CBX2: variants seen among roughly 807,000 people sequenced by gnomAD.
CBX2 encodes the protein chromobox 2.
Under a neutral mutation model 21.0 loss-of-function variants are expected in CBX2, and 11 were observed. The observed-to-expected ratio is 0.52, with a 90% confidence interval of 0.33 to 0.87. The LOEUF is 0.87. Among genes scored for constraint, CBX2 ranks in the 40% least tolerant of loss-of-function variants. CBX2 has a pLI of 0.02. For synonymous variants in CBX2, 364 were observed against 304.6 expected, an observed-to-expected ratio of 1.19 and a Z score of -2.03; for missense variants, 746 against 724.3, an observed-to-expected ratio of 1.03 and a Z score of -0.34.
At chr17:79,781,892 AG>A in intron 4 of CBX2, 91 bp downstream of exon 4, 1 of 1,614,146 alleles carries the variant, frequency 6.2e-7, no homozygotes, top group Non-Finnish European at 8.5e-7. Context: ...GCCCTCAGGA[AG>A]GGGGTGGCAC....
intron 4 of CBX2, 184 bp downstream of exon 4, chr17:79,781,985 C>G: frequency 1.9e-6 from 3 of 1,614,182 alleles, no homozygotes; most frequent in Non-Finnish European, 2.5e-6. Flanking sequence ...CCAGGGGCCC[C>G]AGCCGGCTGA....
At position 79,783,925 on chromosome 17, in the gene CBX2, G is replaced by A. The variant is rs782145802; in HGVS notation, c.482G>A (p.Arg161Gln). 31 of 1,613,894 alleles carry A rather than the reference G, an allele frequency of 1.9e-5. No homozygotes were observed. The highest frequency in any genetic ancestry group is 5.0e-5 in the Admixed American group (3 of 60,002). The change falls in exon 5 of 5, where the codon CGG becomes CAG. Residue 161 changes from arginine to glutamine, a missense_variant. Physicochemically the swap from Arg to Gln is conservative, Grantham distance 43 (BLOSUM62 1). Transcript: ENST00000310942. ...VAKPELKDPI[R>Q]KKRGRKPLPP... ...AAACCCGAGCTGAAGGATCCCATCC[G>A]GAAGAAGCGGGGACGAAAGCCCCTG...
chr17:79,778,323 C>G lies in CBX2; in HGVS notation c.72+16C>G. 6.4e-7 allele frequency: 1 copy of G among 1,563,870 alleles called. No individual in the cohort carries two copies. The highest frequency in any genetic ancestry group is 8.6e-7 in the Non-Finnish European group (1 of 1,160,354). On this transcript the variant is annotated intron_variant, in intron 1 of 4. Coordinates refer to ENST00000310942, the MANE Select transcript of CBX2 (RefSeq NM_005189.3). This position sits in a 1 kb window ranked among gnomAD's most constrained non-coding sequence, Gnocchi z 4.8. ...GCTCCGCAAGGTGCGTGCGGCCCGC[C>G]GGGCCCCCCGCCCGCCGCCCGCTGT...
chr17:79,782,603 G>A (rs1430096052), intron 4 of CBX2: 6 of 622,692 alleles, frequency 9.6e-6, no homozygotes, highest in Non-Finnish European at 1.3e-5. Context: ...TTTCCTGAAT[G>A]AACAGGATTC....
At position 79,778,374 on chromosome 17, in the gene CBX2, C is replaced by T; in HGVS notation, c.73-10C>T. The T allele has an allele frequency of 6.3e-7, 1 of 1,585,292 alleles. No individual in the cohort carries two copies. The highest frequency in any genetic ancestry group is 8.5e-7 in the Non-Finnish European group (1 of 1,170,586). On this transcript the variant is annotated splice_polypyrimidine_tract_variant and intron_variant, in intron 1 of 4. Transcript: ENST00000310942. This position sits in a 1 kb window ranked among gnomAD's most constrained non-coding sequence, Gnocchi z 4.8. ...CCGTCTGGCTCACGGCCCCTCTTCT[C>T]TCCCCGCAGGGCAAGCTGGAGTACC...
Position 79,784,530 on chromosome 17 carries a change from A to G in CBX2, c.1087A>G (p.Asn363Asp). The G allele has an allele frequency of 6.2e-7, 1 of 1,612,488 alleles. No homozygotes were observed. The highest frequency in any genetic ancestry group is 8.5e-7 in the Non-Finnish European group (1 of 1,179,862). ...LQVLDLQSVKNGMPGVGLLAR... is the reference protein window; with the variant it reads ...LQVLDLQSVKDGMPGVGLLAR... Reference sequence around the variant, plus strand: ...GGTCTTGGACTTGCAGAGTGTCAAGAATGGCATGCCCGGGGTGGGTCTCCT... The same window carrying G: ...GGTCTTGGACTTGCAGAGTGTCAAGGATGGCATGCCCGGGGTGGGTCTCCT... The change falls in exon 5 of 5, where the codon AAT becomes GAT. Residue 363 changes from asparagine (N) to aspartate (D), a missense_variant. Asn to Asp is a conservative substitution (Grantham distance 23). Transcript: ENST00000310942. This position sits in a 1 kb window ranked among gnomAD's most constrained non-coding sequence, Gnocchi z 5.9.
intron 4 of CBX2, 64 bp downstream of exon 4, chr17:79,781,865 C>T (rs138701210): frequency 1.2e-5 from 19 of 1,613,998 alleles, no homozygotes; most frequent in Non-Finnish European, 1.5e-5. Context: ...AGGGGGCAGG[C>T]AGAGGGAGGG....
chr17:79,780,493 G>A (rs570982612), intron 3 of CBX2, among the ~76,000 whole-genome samples: 11 of 152,328 alleles, frequency 7.2e-5, no homozygotes, highest in Admixed American at 2.6e-4. Flanking sequence ...CTTGGGGTGG[G>A]GGAATGGCTT....
chr17:79,778,198 G>GGCGGCGGGTGACTA lies in CBX2; in HGVS notation c.-30_-29insTGACTAGCGGCGGG. ...CGCGCGGCGGTCCGGGCGGGTGACT[G>GGCGGCGGGTGACTA]GCGGCGGGCGCCGCGGTCGGGCTGG... On this transcript the variant is annotated 5_prime_UTR_variant, in exon 1 of 5. Coordinates refer to ENST00000310942, the MANE Select transcript of CBX2 (RefSeq NM_005189.3). This position sits in a 1 kb window ranked among gnomAD's most constrained non-coding sequence, Gnocchi z 4.8. 7.9e-7 allele frequency: 1 copy of GGCGGCGGGTGACTA among 1,260,146 alleles called. No individual in the cohort carries two copies. Among genetic ancestry groups the GGCGGCGGGTGACTA allele is most frequent in the South Asian group, 2.4e-5 (1 of 42,200 alleles). The allele number at this position is 1,260,146 out of a possible 1,614,324, so 78.1% of individuals were successfully genotyped here.
chr17:79,785,284 T>G lies in CBX2; in HGVS notation c.*242T>G. 1 of 579,654 alleles carries G rather than the reference T, an allele frequency of 1.7e-6. No homozygotes were observed. Among genetic ancestry groups the G allele is most frequent in the African/African-American group, 1.9e-5 (1 of 53,542 alleles). 35.9% of individuals were successfully genotyped at this position (579,654 alleles called of 1,614,324 possible). Reference sequence around the variant, plus strand: ...CTTGTTCCTACCTCTGCAGGCCTCTTTGCTCTCCCCTCTTGCCTCAGGAAA... The same window carrying G: ...CTTGTTCCTACCTCTGCAGGCCTCTGTGCTCTCCCCTCTTGCCTCAGGAAA... On this transcript the variant is annotated 3_prime_UTR_variant, in exon 5 of 5. Transcript: ENST00000310942.
chr17:79,779,252 C>T (rs1555829711), intron 2 of CBX2, 110 bp from the exon 3 acceptor site: 1 of 1,016,694 alleles, frequency 9.8e-7, no homozygotes, highest in East Asian at 2.5e-5. Context: ...TACGGTGCCA[C>T]TGCCATCGGC....
Position 79,784,397 on chromosome 17 carries a change from G to T in CBX2, c.954G>T (p.Glu318Asp). The T allele has an allele frequency of 1.9e-6, 3 of 1,612,506 alleles. No homozygotes were observed. Among genetic ancestry groups the T allele is most frequent in the Admixed American group, 3.3e-5 (2 of 59,948 alleles). Residue 318 changes from glutamate (E) to aspartate (D), a missense_variant, in exon 5 of 5, where the codon GAG becomes GAT. By Grantham distance (45) the Glu-to-Asp change is conservative. This residue lies in a region of CBX2 where 701 missense variants were observed against 650.7 expected (regional missense o/e 1.08). Coordinates refer to ENST00000310942, the MANE Select transcript of CBX2 (RefSeq NM_005189.3). The surrounding 1 kb of genome is among the most constrained non-coding windows in gnomAD (Gnocchi z 5.9). ...AGGCCCCCAGCGGTGGGGCTGTGGA[G>T]CAGAAAGTGGGGAACACAGGGGGCC... is the stretch of plus-strand genomic sequence containing the variant. The part of the protein sequence containing the change: ...IPKAPSGGAV[E>D]QKVGNTGGPP...
Position 79,787,708 on chromosome 17 carries a change from G to A in CBX2, c.*2666G>A, listed in dbSNP as rs1002915283. 7.2e-5 allele frequency: 11 copies of A among 152,194 alleles called. No individual in the cohort carries two copies. The highest frequency in any genetic ancestry group is 2.4e-4 in the African/African-American group (10 of 41,434). 9.4% of individuals were successfully genotyped at this position (152,194 alleles called of 1,614,324 possible). A position where few individuals can be genotyped will look rare whatever the true frequency, so the allele number is the denominator to read the frequency against. ...GTGTGTGAAATGGTGTGTTAACCGCGTTTTGTTTGCTCCTGTATTGAATAG... is the reference window on the plus strand; with the variant it reads ...GTGTGTGAAATGGTGTGTTAACCGCATTTTGTTTGCTCCTGTATTGAATAG... On this transcript the variant is annotated 3_prime_UTR_variant, in exon 5 of 5. Transcript: ENST00000310942.
At chr17:79,781,067 G>A (rs1233164873) in intron 3 of CBX2, among the ~76,000 whole-genome samples, 2 of 152,044 alleles carry the variant, frequency 1.3e-5, no homozygotes, top group African/African-American at 2.4e-5. Context: ...GGGGCGGGGG[G>A]GGTACTGCGA....
Position 79,784,277 on chromosome 17 carries a change from C to T in CBX2, c.834C>T (p.Ala278=). Residue 278 remains alanine (A), a synonymous_variant, in exon 5 of 5, where the codon GCC becomes GCT. Transcript: ENST00000310942. The surrounding 1 kb of genome is among the most constrained non-coding windows in gnomAD (Gnocchi z 5.9). The part of the protein sequence containing the change: ...AQAASRLALK[A]QATNKCGLGL... ...CTGCCAGCAGGTTGGCGCTGAAGGCCCAGGCCACCAACAAGTGCGGCCTCG... is the reference window on the plus strand; with the variant it reads ...CTGCCAGCAGGTTGGCGCTGAAGGCTCAGGCCACCAACAAGTGCGGCCTCG... The T allele has an allele frequency of 6.2e-7, 1 of 1,612,970 alleles. No homozygotes were observed. Among genetic ancestry groups the T allele is most frequent in the Non-Finnish European group, 8.5e-7 (1 of 1,179,848 alleles).
At chr17:79,779,510 G>T in intron 3 of CBX2, 83 bp downstream of exon 3, 1 of 1,291,082 alleles carries the variant, frequency 7.7e-7, no homozygotes, top group Non-Finnish European at 1.1e-6. Flanking sequence ...CTCGCCTGCC[G>T]GGAGGCTGGA....
rs1457573802 is a variant in CBX2, at chr17:79,786,994, C to G, written c.*1952C>G. On this transcript the variant is annotated 3_prime_UTR_variant, in exon 5 of 5. Transcript: ENST00000310942. Reference sequence around the variant, plus strand: ...GCTGCAGCAGGAATGGTGCCCACCTCGGCGAATTGAAGGGCTAAGAGTCCC... The same window carrying G: ...GCTGCAGCAGGAATGGTGCCCACCTGGGCGAATTGAAGGGCTAAGAGTCCC... 1 of 152,666 alleles carries G rather than the reference C, an allele frequency of 6.6e-6. No individual in the cohort carries two copies. Among genetic ancestry groups the G allele is most frequent in the East Asian group, 1.9e-4 (1 of 5,200 alleles). 9.5% of individuals were successfully genotyped at this position (152,666 alleles called of 1,614,324 possible). A position where few individuals can be genotyped will look rare whatever the true frequency, so the allele number is the denominator to read the frequency against.
Position 79,781,244 on chromosome 17 carries a change from T to A in CBX2, c.183-452T>A, listed in dbSNP as rs148150788. On this transcript the variant is annotated intron_variant, in intron 3 of 4. Coordinates refer to ENST00000310942, the MANE Select transcript of CBX2 (RefSeq NM_005189.3). ...TGGAGGACAGGGCCCACGGTGCTCC[T>A]TGCCCGGGTGAGGGTTTTATGCACC... Among the ~76,000 whole-genome samples the A allele has an allele frequency of 2.4e-3, 373 of 152,334 alleles. 2 individuals carry two copies. Among genetic ancestry groups the A allele is most frequent in the African/African-American group, 7.8e-3 (323 of 41,576 alleles).
chr17:79,780,251 T>C (rs1268891998), intron 3 of CBX2, among the ~76,000 whole-genome samples: 2 of 152,224 alleles, frequency 1.3e-5, no homozygotes, highest in African/African-American at 4.8e-5. Context: ...GCTGGAGTCT[T>C]TCCCAGCCAG....
Sources: gnomAD v4.1 joint callset for allele counts (sites outside exome capture counted in the v4.1 genomes callset) on GRCh38, gnomAD v4.1.1 for gene constraint, gnomAD v4.1.1 regional missense constraint, Gnocchi (gnomAD v3.1) non-coding constraint, MANE v1.5 for transcripts, NCBI Gene and HGNC (gene_info 2026-07-23, HGNC 2026-07-21) for gene names.